Variants in TRPM3 observed in about 807,000 individuals in gnomAD.
TRPM3 encodes long transient receptor potential channel 3.
TRPM3 carries 77 observed loss-of-function variants against 181.2 expected under a neutral mutation model. The ratio of observed to expected loss-of-function variants is 0.42; its 90% CI spans 0.35 to 0.51. The LOEUF is 0.51. TRPM3 is among the 20% of genes least tolerant of loss of function. The pLI is 0.01. For missense variants in TRPM3, 1,759 were observed against 2,196.7 expected (o/e 0.80, Z 3.98); for synonymous variants, 745 against 796.4 (o/e 0.94, Z 1.09).
Position 70,838,544 on chromosome 9 carries a change from G to A in TRPM3, c.801+4459C>T, listed in dbSNP as rs1452539835. On this transcript the variant is annotated intron_variant, in intron 5 of 25. Coordinates refer to ENST00000677713, the MANE Select transcript of TRPM3 (RefSeq NM_001366145.2). ...AAACCTGAAAAGACTAAGACAGCTG[G>A]GGAGGAAGAAGACAGCTGTGGTAAC... 2.0e-5 allele frequency among the ~76,000 whole-genome samples: 3 copies of A among 152,154 alleles called. No homozygotes were observed. In the East Asian group the frequency reaches 5.8e-4, roughly 29 times the overall value.
chr9:71,237,590 A>G (rs1250056444), intron 1 of TRPM3, among the ~76,000 whole-genome samples: 1 of 152,114 alleles, frequency 6.6e-6, no homozygotes. Context: ...TTTTGATACC[A>G]TTTTCAATAT....
rs2041699814 is a variant in TRPM3 at position 70,536,212 on chromosome 9, G to T, written c.4901C>A (p.Thr1634Asn). Residue 1634 changes from threonine to asparagine, a missense_variant, in exon 26 of 26, where the codon ACC becomes AAC. Thr to Asn is a moderately conservative substitution (Grantham distance 65). This residue lies in a region of TRPM3 where 612 missense variants were observed against 590.0 expected (regional missense o/e 1.04). Transcript: ENST00000677713. ...SSQEGDNSER[T>N]LSNNITVPKI... ...GGGAACAGTGATGTTGTTGGACAGGGTTCTCTCTGAGTTATCACCCTCCTG... is the reference window on the plus strand; with the variant it reads ...GGGAACAGTGATGTTGTTGGACAGGTTTCTCTCTGAGTTATCACCCTCCTG... 1.2e-6 allele frequency: 2 copies of T among 1,614,116 alleles called. No homozygotes were observed. Among genetic ancestry groups the T allele is most frequent in the East Asian group, 2.2e-5 (1 of 44,900 alleles).
chr9:70,750,720 A>T (rs1384515985), intron 8 of TRPM3, among the ~76,000 whole-genome samples: 9 of 152,202 alleles, frequency 5.9e-5, no homozygotes, highest in Non-Finnish European at 1.0e-4. Flanking sequence ...CAAGACTGAG[A>T]AAATGAAACG....
chr9:70,691,720 T>G (rs2068626516), intron 8 of TRPM3, among the ~76,000 whole-genome samples: 1 of 152,222 alleles, frequency 6.6e-6, no homozygotes, highest in Non-Finnish European at 1.5e-5. Context: ...TTCTTTTTTC[T>G]TATTATAAAA....
intron 3 of TRPM3, among the ~76,000 whole-genome samples, chr9:70,862,199 A>G (rs2095539603): frequency 6.6e-6 from 1 of 152,134 alleles, no homozygotes; most frequent in Non-Finnish European, 1.5e-5. Flanking sequence ...TTGTTGGACA[A>G]TAGCATCTAG....
intron 1 of TRPM3, among the ~76,000 whole-genome samples, chr9:71,444,976 A>G (rs1165745883): frequency 6.6e-6 from 1 of 152,244 alleles, no homozygotes; most frequent in East Asian, 1.9e-4. Context: ...TAATGTTTCA[A>G]TTAACAAGTA....
At chr9:70,664,672 AC>A (rs2061600680) in intron 9 of TRPM3, among the ~76,000 whole-genome samples, 1 of 98,798 alleles carries the variant, frequency 1.0e-5, no homozygotes, top group Non-Finnish European at 1.9e-5. Context: ...TTTTTTTGAG[AC>A]TGAGTCTCAC....
chr9:70,553,338 G>A (rs1271826563), intron 22 of TRPM3, 28 bp from the exon 23 acceptor site: 2 of 1,609,430 alleles, frequency 1.2e-6, no homozygotes, highest in East Asian at 4.5e-5. Flanking sequence ...CACAAGAAAT[G>A]AGAAACTGGC....
At chr9:71,029,374 A>G (rs745753518) in intron 1 of TRPM3, among the ~76,000 whole-genome samples, 18 of 152,216 alleles carry the variant, frequency 1.2e-4, no homozygotes, top group Admixed American at 2.0e-4. Flanking sequence ...ACTTAAATGG[A>G]GGAATTATTT....
intron 1 of TRPM3, among the ~76,000 whole-genome samples, chr9:71,414,640 T>C (rs898000265): frequency 6.6e-6 from 1 of 152,044 alleles, no homozygotes; most frequent in African/African-American, 2.4e-5. Flanking sequence ...CTCAGGTACA[T>C]GACATATGGT....
intron 1 of TRPM3, among the ~76,000 whole-genome samples, chr9:71,411,279 A>G (rs1224075021): frequency 2.0e-5 from 3 of 152,266 alleles, no homozygotes; most frequent in African/African-American, 7.2e-5. Flanking sequence ...AAAGAAATAA[A>G]GGATATTCAA....
chr9:71,422,945 T>C (rs1008499363), intron 1 of TRPM3, among the ~76,000 whole-genome samples: 1 of 152,000 alleles, frequency 6.6e-6, no homozygotes, highest in African/African-American at 2.4e-5. Context: ...CCCCACACAC[T>C]CATATCACCA....
At chr9:71,351,437 GA>G (rs2091616043) in intron 1 of TRPM3, among the ~76,000 whole-genome samples, 1 of 152,158 alleles carries the variant, frequency 6.6e-6, no homozygotes, top group Non-Finnish European at 1.5e-5. Flanking sequence ...GAAGGAAGGG[GA>G]CAGCTATAAA....
intron 1 of TRPM3, among the ~76,000 whole-genome samples, chr9:70,910,734 T>C (rs1009606315): frequency 1.3e-5 from 2 of 152,162 alleles, no homozygotes; most frequent in African/African-American, 4.8e-5. Context: ...TAAAAGCACT[T>C]ACTATGGGCC....
chr9:71,171,269 G>A lies in TRPM3; in HGVS notation c.183+275384C>T, dbSNP rs1027906547. On this transcript the variant is annotated intron_variant, in intron 1 of 24. Transcript: ENST00000357533. ...TCCTGTGGTCCTGTGATCTCACCCT[G>A]CCTCCACTTGCCTTGTGATATTCTA... is the stretch of plus-strand genomic sequence containing the variant. Among the ~76,000 whole-genome samples, 17 of 152,224 alleles carry A rather than the reference G, an allele frequency of 1.1e-4. No individual in the cohort carries two copies. The South Asian group carries it at 1.2e-3, about 11-fold the overall frequency.
At chr9:70,627,520 G>T (rs1254875803) in intron 12 of TRPM3, among the ~76,000 whole-genome samples, 2 of 151,964 alleles carry the variant, frequency 1.3e-5, no homozygotes, top group African/African-American at 4.8e-5. Flanking sequence ...TGATCCTCCC[G>T]CCTCGGCCTC....
At chr9:71,257,669 G>A (rs1445603847) in intron 1 of TRPM3, among the ~76,000 whole-genome samples, 3 of 152,110 alleles carry the variant, frequency 2.0e-5, no homozygotes, top group Non-Finnish European at 4.4e-5. Context: ...TGTATGTATA[G>A]CCCTCCTGAG....
chr9:71,362,524 T>C (rs2092192587), intron 1 of TRPM3, among the ~76,000 whole-genome samples: 1 of 152,190 alleles, frequency 6.6e-6, no homozygotes, highest in African/African-American at 2.4e-5. Flanking sequence ...ACTGTTACTA[T>C]TATCCAATTA....
Position 71,317,703 on chromosome 9 carries a change from G to A in TRPM3, c.183+128950C>T, listed in dbSNP as rs139356622. Among the ~76,000 whole-genome samples the A allele has an allele frequency of 7.0e-4, 105 of 150,982 alleles. 1 individual carries two copies. Among genetic ancestry groups the A allele is most frequent in the African/African-American group, 2.3e-3 (95 of 41,236 alleles). ...TACACACACACACACACGCGCACAC[G>A]CGCGAGAGAGAAGGTGCAACAAAAA... On this transcript the variant is annotated intron_variant, in intron 1 of 24. Transcript: ENST00000357533.
Sources: allele counts gnomAD v4.1 joint callset (sites outside exome capture counted in the v4.1 genomes callset), GRCh38; gene constraint gnomAD v4.1.1; regional missense constraint gnomAD v4.1.1; transcripts MANE v1.5; gene names NCBI Gene and HGNC (gene_info 2026-07-23, HGNC 2026-07-21).